PPM1B: variants seen among roughly 807,000 people sequenced by gnomAD.
The protein encoded by PPM1B is protein phosphatase, Mg2+/Mn2+ dependent 1B.
Under a neutral mutation model 43.0 loss-of-function variants are expected in PPM1B, and 22 were observed. The observed-to-expected ratio is 0.51, with a 90% CI of 0.37 to 0.73. The LOEUF is 0.73. Ranked by LOEUF, PPM1B falls within the 30% of genes least tolerant of loss-of-function variation. The pLI, the probability that PPM1B is intolerant of heterozygous loss-of-function variation, is 0.00. For synonymous variants in PPM1B, 217 were observed against 197.9 expected (o/e 1.10, Z -0.81); for missense variants, 632 against 584.2 (o/e 1.08, Z -0.84).
At chr2:44,226,970 T>TG in intron 5 of PPM1B, among the ~76,000 whole-genome samples, 1 of 137,182 alleles carries the variant, frequency 7.3e-6, no homozygotes, top group Non-Finnish European at 1.6e-5. Flanking sequence ...ATTTATTTAT[T>TG]TATGAATGAA....
At chr2:44,239,544 T>A (rs535775231), downstream of PPM1B, among the ~76,000 whole-genome samples, 26 of 152,262 alleles carry the variant, frequency 1.7e-4, no homozygotes, top group African/African-American at 6.3e-4. Flanking sequence ...TCTAATTTTT[T>A]TAATTTATAT....
At chr2:44,242,580 G>C (rs952119054) in intron 5 of PPM1B, among the ~76,000 whole-genome samples, 3 of 152,130 alleles carry the variant, frequency 2.0e-5, no homozygotes, top group African/African-American at 7.2e-5. Flanking sequence ...AATCTTAATA[G>C]TATACAAGAG....
intron 1 of PPM1B, among the ~76,000 whole-genome samples, chr2:44,192,126 CTT>C: frequency 6.7e-6 from 1 of 148,772 alleles, no homozygotes; most frequent in East Asian, 2.0e-4. Flanking sequence ...ATTTTCTAAA[CTT>C]TTATTGACAA....
chr2:44,203,095 G>T (rs1477276754), intron 2 of PPM1B, among the ~76,000 whole-genome samples: 1 of 152,128 alleles, frequency 6.6e-6, no homozygotes, highest in African/African-American at 2.4e-5. Context: ...TTTCAGAAAG[G>T]ATCTCTGGGT....
downstream of PPM1B, chr2:44,233,070 G>A: frequency 1.0e-6 from 1 of 981,590 alleles, no homozygotes. Flanking sequence ...TTTATAATTT[G>A]CTTTGACATC....
intron 1 of PPM1B, among the ~76,000 whole-genome samples, chr2:44,170,739 GAT>G (rs1472357140): frequency 6.6e-6 from 1 of 152,210 alleles, no homozygotes; most frequent in Admixed American, 6.5e-5. Context: ...TAATTATTAT[GAT>G]AGTCTTTTCC....
intron 3 of PPM1B, 175 bp downstream of exon 3, chr2:44,209,502 T>G (rs1669354489): frequency 1.4e-6 from 1 of 711,444 alleles, no homozygotes; most frequent in Admixed American, 3.4e-5. Flanking sequence ...AATTTCCTGG[T>G]CAGGCGCAGT....
chr2:44,223,701 A>T (rs1403372244), intron 5 of PPM1B, among the ~76,000 whole-genome samples: 1 of 151,270 alleles, frequency 6.6e-6, no homozygotes, highest in African/African-American at 2.4e-5. Flanking sequence ...CTGTAGTCTC[A>T]GCTACTCGGG....
downstream of PPM1B, among the ~76,000 whole-genome samples, chr2:44,245,385 A>G (rs1408736158): frequency 6.6e-6 from 1 of 152,110 alleles, no homozygotes; most frequent in South Asian, 2.1e-4. Context: ...TCCATCTTTG[A>G]TCAGCTCTGC....
intron 3 of PPM1B, among the ~76,000 whole-genome samples, chr2:44,210,095 C>G (rs1669387912): frequency 6.6e-6 from 1 of 152,086 alleles, no homozygotes; most frequent in Non-Finnish European, 1.5e-5. Context: ...CTAATTCTCC[C>G]TTTTCGGGTT....
At chr2:44,230,024 T>A in intron 5 of PPM1B, 2 of 1,592,084 alleles carry the variant, frequency 1.3e-6, no homozygotes, top group Non-Finnish European at 1.7e-6. Flanking sequence ...TCTGATGGCC[T>A]GCTTTTCTGT....
intron 1 of PPM1B, among the ~76,000 whole-genome samples, chr2:44,174,194 G>A (rs1322518429): frequency 1.3e-5 from 2 of 152,054 alleles, no homozygotes; most frequent in African/African-American, 4.8e-5. Flanking sequence ...CTATTTTTTA[G>A]CTTTAAATTG....
downstream of PPM1B, among the ~76,000 whole-genome samples, chr2:44,244,915 G>A (rs761822582): frequency 1.3e-5 from 2 of 149,816 alleles, no homozygotes; most frequent in Non-Finnish European, 3.0e-5. Context: ...TATTTTTAGG[G>A]CTTTTGGCTT....
chr2:44,169,301 G>C (rs1019026414), intron 1 of PPM1B, 27 bp downstream of exon 1: 4 of 152,426 alleles, frequency 2.6e-5, no homozygotes, highest in Non-Finnish European at 5.9e-5. Context: ...CCCCGCCGGA[G>C]GGGAAGCGGC....
At chr2:44,209,358 A>G (rs1442666057) in intron 3 of PPM1B, 31 bp downstream of exon 3, 1 of 1,611,732 alleles carries the variant, frequency 6.2e-7, no homozygotes, top group Non-Finnish European at 8.5e-7. Flanking sequence ...AAATATAGAC[A>G]GGCCAGGCAC....
At chr2:44,242,571 A>G (rs993331115) in intron 5 of PPM1B, among the ~76,000 whole-genome samples, 2 of 152,180 alleles carry the variant, frequency 1.3e-5, no homozygotes, top group African/African-American at 4.8e-5. Context: ...CACATTTACA[A>G]TCTTAATAGT....
rs745407083 is a variant in PPM1B at position 44,191,331 on chromosome 2, A to AGCCT, written c.-14-9851_-14-9848dup. On this transcript the variant is annotated intron_variant, in intron 1 of 5. Transcript: ENST00000282412. The stretch of plus-strand genomic sequence containing the variant: ...CAGGTTCAAGCTATTCTCCTGCCTC[A>AGCCT]GCCTGCCGAACAGCTGAGATTACAG... 1.4e-3 allele frequency among the ~76,000 whole-genome samples: 213 copies of AGCCT among 152,180 alleles called. No individual in the cohort carries two copies. The Middle Eastern group carries it at 0.02, about 15-fold the overall frequency.
intron 5 of PPM1B, among the ~76,000 whole-genome samples, chr2:44,229,717 A>C (rs1360121544): frequency 6.6e-6 from 1 of 152,208 alleles, no homozygotes; most frequent in African/African-American, 2.4e-5. Context: ...TGTCGGCTTA[A>C]CTGTGATCAG....
chr2:44,219,435 A>G (rs1047285590), intron 5 of PPM1B, among the ~76,000 whole-genome samples: 1 of 152,112 alleles, frequency 6.6e-6, no homozygotes, highest in African/African-American at 2.4e-5. Context: ...TCTCAATTGC[A>G]TTATTTGCTA....
Sources: gnomAD v4.1 joint callset for allele counts (sites outside exome capture counted in the v4.1 genomes callset) on GRCh38, gnomAD v4.1.1 for gene constraint, MANE v1.5 for transcripts, NCBI Gene and HGNC (gene_info 2026-07-23, HGNC 2026-07-21) for gene names.